Variants in GALNT9 observed in about 807,000 individuals in gnomAD.
The protein encoded by GALNT9 is polypeptide N-acetylgalactosaminyltransferase 9.
GALNT9 carries 47 observed loss-of-function variants against 63.1 expected under a neutral mutation model. The observed-to-expected ratio is 0.75, with a 90% confidence interval of 0.59 to 0.95. The LOEUF is 0.95. Ranked by LOEUF, GALNT9 falls within the 40% of genes least tolerant of loss-of-function variation. The probability of loss-of-function intolerance (pLI) is 0.00; values close to 1 mark genes in which losing one functional copy is unlikely to be tolerated. For synonymous variants in GALNT9, 396 were observed against 365.7 expected (o/e 1.08, Z -0.94); for missense variants, 829 against 874.8 (o/e 0.95, Z 0.66).
At chr12:132,291,525 A>G (rs1369884363) in intron 1 of GALNT9, among the ~76,000 whole-genome samples, 1 of 147,708 alleles carries the variant, frequency 6.8e-6, no homozygotes, top group Admixed American at 6.7e-5. Flanking sequence ...CCACATCCAC[A>G]GCACCCACGT....
rs1878973129 is a variant in GALNT9, at chr12:132,252,804, A to C, written c.960-4777T>G. On this transcript the variant is annotated intron_variant, in intron 5 of 10. Coordinates refer to ENST00000328957, the MANE Select transcript of GALNT9 (RefSeq NM_001122636.2). The surrounding 1 kb of genome is among the most constrained non-coding windows in gnomAD (Gnocchi z 5.2). The stretch of plus-strand genomic sequence containing the variant: ...AGGCTGAGGCAGGAGAATCGCTTGA[A>C]CCTGGGAGGCGGAGGTTGTGGTGAG... Among the ~76,000 whole-genome samples, 1 of 151,678 alleles carries C rather than the reference A, an allele frequency of 6.6e-6. No individual in the cohort carries two copies. The highest frequency in any genetic ancestry group is 2.1e-4 in the South Asian group (1 of 4,794).
intron 1 of GALNT9, among the ~76,000 whole-genome samples, chr12:132,302,452 A>T (rs1881334342): frequency 6.6e-6 from 1 of 152,214 alleles, no homozygotes; most frequent in African/African-American, 2.4e-5. Context: ...ATTCTTCATA[A>T]ACATAACTTT....
At chr12:132,318,814 C>T (rs1372199079) in intron 1 of GALNT9, among the ~76,000 whole-genome samples, 1 of 152,212 alleles carries the variant, frequency 6.6e-6, no homozygotes, top group African/African-American at 2.4e-5. Context: ...GCTCCTGCCC[C>T]AGCCCGGGCC....
At chr12:132,284,239 A>G (rs1325242638) in intron 2 of GALNT9, 1 of 151,066 alleles carries the variant, frequency 6.6e-6, no homozygotes, top group Non-Finnish European at 1.5e-5. Context: ...ACATGCACAC[A>G]TGCGCACACA....
intron 9 of GALNT9, among the ~76,000 whole-genome samples, chr12:132,198,451 T>C (rs78528817): frequency 0.24 from 35,758 of 152,002 alleles, 4,239 homozygotes; most frequent in Middle Eastern, 0.4. Flanking sequence ...GGGCTGGGCC[T>C]GGGCCTGTGC....
At chr12:132,290,335 A>G (rs1880759215) in intron 1 of GALNT9, among the ~76,000 whole-genome samples, 1 of 152,056 alleles carries the variant, frequency 6.6e-6, no homozygotes, top group African/African-American at 2.4e-5. Flanking sequence ...CAAGCCACGG[A>G]CCCTCAGTGA....
chr12:132,279,772 G>T lies in GALNT9; in HGVS notation c.419+6478C>A, dbSNP rs1370077882. 2.6e-5 allele frequency: 4 copies of T among 152,302 alleles called. No homozygotes were observed. The highest frequency in any genetic ancestry group is 4.4e-5 in the Non-Finnish European group (3 of 68,094). 9.4% of individuals were successfully genotyped at this position (152,302 alleles called of 1,614,324 possible). ...CACTTCCTGGATCCAATTCCTGGAT[G>T]CCCAGTGTCCGCCGGGTCTCCTGGA... On this transcript the variant is annotated intron_variant, in intron 2 of 10. Transcript: ENST00000328957. The surrounding 1 kb of genome is among the most constrained non-coding windows in gnomAD (Gnocchi z 4.1).
At chr12:132,197,461 G>A (rs952682557) in intron 10 of GALNT9, among the ~76,000 whole-genome samples, 2 of 148,814 alleles carry the variant, frequency 1.3e-5, no homozygotes, top group Admixed American at 1.3e-4. Context: ...TTCCTGCAGG[G>A]CTAGCGGCCC....
intron 6 of GALNT9, among the ~76,000 whole-genome samples, chr12:132,221,350 CAAAAAAAAAAAAAAAA>C (rs869246524): frequency 6.4e-5 from 3 of 46,806 alleles, no homozygotes; most frequent in Non-Finnish European, 6.7e-5. Flanking sequence ...AGATTGTGTC[CAAAAAAAAAAAAAAAA>C]AAAAAAAAAA....
intron 6 of GALNT9, among the ~76,000 whole-genome samples, chr12:132,213,612 T>C (rs560748174): frequency 6.6e-6 from 1 of 152,134 alleles, no homozygotes; most frequent in African/African-American, 2.4e-5. Flanking sequence ...CTCACACACA[T>C]GTGCACTCAG....
In GALNT9 at chr12:132,317,000, C is replaced by T. The variant is rs1309801178; in HGVS notation, c.238+11966G>A. ...ATGGTCCTATTCTACACCCACAGAG[C>T]ACAGCCTGCACCCTACACCCCACGG... On this transcript the variant is annotated intron_variant, in intron 1 of 10. Coordinates refer to ENST00000328957, the MANE Select transcript of GALNT9 (RefSeq NM_001122636.2). This position sits in a 1 kb window ranked among gnomAD's most constrained non-coding sequence, Gnocchi z 4.3. Among the ~76,000 whole-genome samples the T allele has an allele frequency of 6.7e-6, 1 of 150,262 alleles. No individual in the cohort carries two copies. The highest frequency in any genetic ancestry group is 2.5e-5 in the African/African-American group (1 of 40,526).
chr12:132,225,980 CCCCA>C (rs1877661335), intron 6 of GALNT9, among the ~76,000 whole-genome samples: 1 of 144,382 alleles, frequency 6.9e-6, no homozygotes, highest in Non-Finnish European at 1.5e-5. Flanking sequence ...ACTGTACACA[CCCCA>C]CACACATACA....
Position 132,219,726 on chromosome 12 carries a change from GTGACACCCGCC to G in GALNT9, c.1078-16047_1078-16037del, listed in dbSNP as rs1877366622. ...TAAGGGGAAGGGACACCTCCCCAGG[GTGACACCCGCC>G]CGGGTAAGGGGAAGGGACACCTCCC... On this transcript the variant is annotated intron_variant, in intron 6 of 10. Transcript: ENST00000328957. 2.8e-5 allele frequency among the ~76,000 whole-genome samples: 4 copies of G among 141,842 alleles called. No homozygotes were observed. In the East Asian group the frequency reaches 8.9e-4, roughly 32 times the overall value. 93.1% of individuals were successfully genotyped at this position (141,842 alleles called of 152,430 possible).
chr12:132,292,877 G>A (rs1022729536), intron 1 of GALNT9, among the ~76,000 whole-genome samples: 18 of 152,300 alleles, frequency 1.2e-4, no homozygotes, highest in East Asian at 1.9e-4. Context: ...GGAGGACGCC[G>A]CCTCGCATGT....
intron 4 of GALNT9, among the ~76,000 whole-genome samples, chr12:132,259,536 C>T (rs1879284391): frequency 6.6e-6 from 1 of 152,204 alleles, no homozygotes; most frequent in Non-Finnish European, 1.5e-5. Context: ...CTTGTCAGAA[C>T]AGCGCCGGCT....
rs1249854507 is a variant in GALNT9 at position 132,245,163 on chromosome 12, C to T, written c.1077+2747G>A. Reference sequence around the variant, plus strand: ...CCATCAGAAAGGCCCCTATGTCAGCCAGGCGTGGTGGTTCACACCTGGAAT... The same window carrying T: ...CCATCAGAAAGGCCCCTATGTCAGCTAGGCGTGGTGGTTCACACCTGGAAT... On this transcript the variant is annotated intron_variant, in intron 6 of 10. Transcript: ENST00000328957. The surrounding 1 kb of genome is among the most constrained non-coding windows in gnomAD (Gnocchi z 6.3). Among the ~76,000 whole-genome samples the T allele has an allele frequency of 1.3e-5, 2 of 151,996 alleles. No individual in the cohort carries two copies. The highest frequency in any genetic ancestry group is 4.1e-4 in the South Asian group (2 of 4,826).
At position 132,261,025 on chromosome 12, in the gene GALNT9, C is replaced by T. The variant is rs148942879; in HGVS notation, c.684G>A (p.Ala228=). The change falls in exon 4 of 11, where the codon GCG becomes GCA. Residue 228 remains alanine (A), a synonymous_variant. Coordinates refer to ENST00000328957, the MANE Select transcript of GALNT9 (RefSeq NM_001122636.2). ...RNSRREGLIR[A]RLQGWKAATA... ...TGGCCGCCTTCCAGCCCTGCAGCCG[C>T]GCGCGGATCAGTCCTTCCCGCCGGC... is the stretch of plus-strand genomic sequence containing the variant. 39 of 1,550,968 alleles carry T rather than the reference C, an allele frequency of 2.5e-5. No individual in the cohort carries two copies. Among genetic ancestry groups the T allele is most frequent in the Admixed American group, 3.9e-5 (2 of 50,858 alleles).
intron 2 of GALNT9, among the ~76,000 whole-genome samples, chr12:132,268,506 G>A (rs782456730): frequency 6.6e-6 from 1 of 152,134 alleles, no homozygotes; most frequent in Non-Finnish European, 1.5e-5. Context: ...TCTTCACTAT[G>A]GCAACAAAAG....
chr12:132,305,631 C>T (rs191036477), intron 1 of GALNT9, among the ~76,000 whole-genome samples: 1 of 151,778 alleles, frequency 6.6e-6, no homozygotes, highest in Admixed American at 6.5e-5. Flanking sequence ...CCGGGCACAC[C>T]CTCACCCGGA....
Sources: allele counts gnomAD v4.1 joint callset (sites outside exome capture counted in the v4.1 genomes callset), GRCh38; gene constraint gnomAD v4.1.1; non-coding constraint Gnocchi (gnomAD v3.1); transcripts MANE v1.5; gene names NCBI Gene and HGNC (gene_info 2026-07-23, HGNC 2026-07-21).